The following NOX4 variants were observed in gnomAD, a reference collection of about 807,000 sequenced individuals.
NOX4 encodes the protein kidney oxidase-1.
NOX4 carries 69 observed loss-of-function variants against 87.6 expected under a neutral mutation model. The observed-to-expected ratio is 0.79, with a 90% confidence interval of 0.65 to 0.96. The LOEUF is 0.96. Among genes scored for constraint, NOX4 ranks in the 40% least tolerant of loss-of-function variants. NOX4 has a pLI of 0.00. For synonymous variants in NOX4, 275 were observed against 238.2 expected, an observed-to-expected ratio of 1.15 and a Z score of -1.42; for missense variants, 680 against 681.5, an observed-to-expected ratio of 1.00 and a Z score of 0.02.
At chr11:89,549,284 A>T in the NOX4 span, among the ~76,000 whole-genome samples, 4 of 152,312 alleles carry the variant, frequency 2.6e-5, no homozygotes, top group East Asian at 7.7e-4. Flanking sequence ...TTATTCTTAA[A>T]ACCAACCTTT....
the NOX4 span, among the ~76,000 whole-genome samples, chr11:89,519,732 A>G: frequency 1.3e-5 from 2 of 152,166 alleles, no homozygotes; most frequent in South Asian, 4.1e-4. Context: ...TAACATATAT[A>G]AGCAGTACAA....
the NOX4 span, chr11:89,548,796 A>G: frequency 6.6e-6 from 1 of 152,316 alleles, no homozygotes; most frequent in South Asian, 2.1e-4. Flanking sequence ...TGGTATCTGC[A>G]CTAGAGAATA....
chr11:89,451,493 G>C (rs1264259700), intron 3 of NOX4, among the ~76,000 whole-genome samples: 1 of 152,164 alleles, frequency 6.6e-6, no homozygotes, highest in Non-Finnish European at 1.5e-5. Context: ...TGTGTGAAAT[G>C]AAACTAACAA....
At chr11:89,575,591 A>G in the NOX4 span, among the ~76,000 whole-genome samples, 6 of 152,180 alleles carry the variant, frequency 3.9e-5, no homozygotes, top group Admixed American at 1.3e-4. Context: ...CAGCCACTTT[A>G]TAATATAACC....
chr11:89,355,493 A>G (rs1249302544), intron 12 of NOX4, among the ~76,000 whole-genome samples: 2 of 151,682 alleles, frequency 1.3e-5, no homozygotes, highest in East Asian at 3.9e-4. Flanking sequence ...TTTATGATCA[A>G]ATCTTATCAT....
the NOX4 span, among the ~76,000 whole-genome samples, chr11:89,576,327 C>A: frequency 1.3e-5 from 2 of 152,146 alleles, no homozygotes; most frequent in Non-Finnish European, 2.9e-5. Context: ...CCCTGGGGTA[C>A]AAATATAGCC....
the NOX4 span, among the ~76,000 whole-genome samples, chr11:89,511,494 G>A: frequency 1.2e-4 from 18 of 151,974 alleles, no homozygotes; most frequent in Admixed American, 1.2e-3. Context: ...GCATAGTACT[G>A]GGGATGGTTT....
rs141403810 is a variant in NOX4 at position 89,387,757 on chromosome 11, C to G, written c.1074+12260G>C. ...TGTAGGAAGCACTAGGTTTCTTGCT[C>G]TCTTACGTTAGGGCTTTTTCCAATC... On this transcript the variant is annotated intron_variant, in intron 11 of 17. Transcript: ENST00000263317. 1.5e-3 allele frequency among the ~76,000 whole-genome samples: 234 copies of G among 152,258 alleles called. 1 individual carries two copies. Among genetic ancestry groups the G allele is most frequent in the African/African-American group, 5.2e-3 (218 of 41,570 alleles).
chr11:89,394,275 C>A (rs1477217797), intron 11 of NOX4, among the ~76,000 whole-genome samples: 2 of 151,930 alleles, frequency 1.3e-5, no homozygotes, highest in African/African-American at 4.8e-5. Flanking sequence ...AGTAAACTAA[C>A]CTCTATATTT....
chr11:89,499,507 CAAAT>C (rs1244566743), upstream of NOX4, among the ~76,000 whole-genome samples: 3 of 152,090 alleles, frequency 2.0e-5, no homozygotes, highest in East Asian at 1.9e-4. Flanking sequence ...AATAAATAAA[CAAAT>C]AAACTTGACA....
At chr11:89,491,907 A>G (rs1003332835), upstream of NOX4, among the ~76,000 whole-genome samples, 21 of 150,720 alleles carry the variant, frequency 1.4e-4, no homozygotes, top group Non-Finnish European at 8.9e-5. Context: ...AAATTATCCC[A>G]CTCCCAAACT....
intron 8 of NOX4, among the ~76,000 whole-genome samples, chr11:89,405,233 G>A (rs985798212): frequency 1.9e-4 from 29 of 151,976 alleles, no homozygotes; most frequent in Non-Finnish European, 3.7e-4. Context: ...GGTCCTTAGA[G>A]TAGTGAATGT....
intron 11 of NOX4, among the ~76,000 whole-genome samples, chr11:89,390,060 T>A (rs914292316): frequency 2.6e-5 from 4 of 152,202 alleles, no homozygotes; most frequent in African/African-American, 9.6e-5. Context: ...GGAAATTGCT[T>A]TGTTTTACTT....
intron 2 of NOX4, among the ~76,000 whole-genome samples, chr11:89,458,056 C>T (rs528599942): frequency 1.3e-5 from 2 of 152,128 alleles, no homozygotes; most frequent in South Asian, 4.1e-4. Context: ...AGAAAAAAAA[C>T]TATTTTAAAT....
chr11:89,490,358 G>C, intron 2 of NOX4, 100 bp downstream of exon 2: 1 of 781,282 alleles, frequency 1.3e-6, no homozygotes, highest in Non-Finnish European at 2.2e-6. Flanking sequence ...TCAAAGTGAA[G>C]AGTGCACATT....
the NOX4 span, among the ~76,000 whole-genome samples, chr11:89,568,062 C>T: frequency 1.4e-4 from 22 of 152,226 alleles, no homozygotes; most frequent in East Asian, 1.2e-3. Context: ...CTTAACCTCA[C>T]GGGGACAGAG....
chr11:89,490,746 C>G (rs868390053), intron 1 of NOX4, 193 bp from the exon 2 acceptor site: 1 of 699,392 alleles, frequency 1.4e-6, no homozygotes, highest in Non-Finnish European at 2.6e-6. Flanking sequence ...TTACCCAGCC[C>G]TTTCACCTGA....
chr11:89,409,568 C>T (rs1053175333), intron 8 of NOX4, among the ~76,000 whole-genome samples: 2 of 152,002 alleles, frequency 1.3e-5, no homozygotes, highest in African/African-American at 4.8e-5. Flanking sequence ...ATCCCTACTG[C>T]CAACTGGCTT....
chr11:89,578,982 A>G, the NOX4 span, among the ~76,000 whole-genome samples: 1 of 152,224 alleles, frequency 6.6e-6, no homozygotes, highest in South Asian at 2.1e-4. Flanking sequence ...GCAATAAAAC[A>G]AATGAACTAT....
Sources: allele counts gnomAD v4.1 joint callset (sites outside exome capture counted in the v4.1 genomes callset), GRCh38; gene constraint gnomAD v4.1.1; transcripts MANE v1.5; gene names NCBI Gene and HGNC (gene_info 2026-07-23, HGNC 2026-07-21).